C8orf34: variants seen among roughly 807,000 people sequenced by gnomAD.
C8orf34 encodes uncharacterized protein C8orf34.
Under a neutral mutation model 68.3 loss-of-function variants are expected in C8orf34, and 65 were observed. The ratio of observed to expected loss-of-function variants is 0.95; its 90% CI spans 0.78 to 1.17. The LOEUF is 1.17. Ranked by LOEUF, C8orf34 falls within the 50% of genes most tolerant of loss-of-function variation. C8orf34 has a pLI of 0.00. For missense variants in C8orf34, 664 were observed against 655.4 expected (o/e 1.01, Z -0.14); for synonymous variants, 244 against 241.2 (o/e 1.01, Z -0.11).
Position 68,331,223 on chromosome 8 carries a change from C to A in C8orf34, c.211C>A (p.Gln71Lys). 6.5e-7 allele frequency: 1 copy of A among 1,536,144 alleles called. No individual in the cohort carries two copies. The highest frequency in any genetic ancestry group is 8.7e-7 in the Non-Finnish European group (1 of 1,146,880). ...KRRVVPSGGA[Q>K]PRVLPALSSR... Reference sequence around the variant, plus strand: ...GAGGGTTGTCCCCAGCGGAGGCGCACAGCCGCGCGTTCTCCCTGCACTCTC... The same window carrying A: ...GAGGGTTGTCCCCAGCGGAGGCGCAAAGCCGCGCGTTCTCCCTGCACTCTC... Residue 71 changes from glutamine (Q) to lysine (K), a missense_variant, in exon 1 of 14, where the codon CAG becomes AAG. Transcript: ENST00000518698.
chr8:68,610,861 G>GTTTTTTTTTTTTT (rs60113883), intron 7 of C8orf34, among the ~76,000 whole-genome samples: 24 of 120,452 alleles, frequency 2.0e-4, no homozygotes, highest in African/African-American at 8.0e-4. Flanking sequence ...TGAATCTTTG[G>GTTTTTTTTTTTTT]TTTTTTTTTT....
At chr8:68,650,502 C>G (rs1163862517) in intron 8 of C8orf34, among the ~76,000 whole-genome samples, 1 of 120,060 alleles carries the variant, frequency 8.3e-6, no homozygotes, top group African/African-American at 3.3e-5. Flanking sequence ...TTTTTTGAGA[C>G]GGAGTCTCGC....
At chr8:68,647,064 G>C (rs1583424) in intron 8 of C8orf34, among the ~76,000 whole-genome samples, 1 of 152,090 alleles carries the variant, frequency 6.6e-6, no homozygotes, top group Non-Finnish European at 1.5e-5. Context: ...CTAATATCCA[G>C]AATATATAAG....
intron 7 of C8orf34, among the ~76,000 whole-genome samples, chr8:68,611,745 GA>G (rs1818030638): frequency 6.6e-6 from 1 of 152,056 alleles, no homozygotes; most frequent in Admixed American, 6.6e-5. Context: ...ACTGTTTATA[GA>G]GTTTAAATCT....
At chr8:68,618,012 T>C (rs2053211725) in intron 7 of C8orf34, among the ~76,000 whole-genome samples, 2 of 152,240 alleles carry the variant, frequency 1.3e-5, no homozygotes, top group Admixed American at 1.3e-4. Flanking sequence ...TTTATGCCTT[T>C]TTCTATTGTG....
intron 1 of C8orf34, among the ~76,000 whole-genome samples, chr8:68,347,281 A>C (rs1806323309): frequency 6.6e-6 from 1 of 152,180 alleles, no homozygotes; most frequent in African/African-American, 2.4e-5. Flanking sequence ...TGTTACTGCA[A>C]AAGACATGAT....
At chr8:68,502,640 C>G (rs542225738) in intron 5 of C8orf34, among the ~76,000 whole-genome samples, 20 of 152,040 alleles carry the variant, frequency 1.3e-4, no homozygotes, top group Non-Finnish European at 2.5e-4. Flanking sequence ...ATCTGCTTTT[C>G]CTATACAAAT....
chr8:68,816,134 T>TGTGTTTC (rs1563685769), intron 13 of C8orf34, among the ~76,000 whole-genome samples, 189 bp downstream of exon 13: 9 of 106,608 alleles, frequency 8.4e-5, no homozygotes, highest in African/African-American at 3.9e-4. Flanking sequence ...GTGTGTGTGT[T>TGTGTTTC]TCTCTGTGTG....
Position 68,818,321 on chromosome 8 carries a change from A to G in C8orf34, c.*75A>G. 7.0e-7 allele frequency: 1 copy of G among 1,435,262 alleles called. No homozygotes were observed. Among genetic ancestry groups the G allele is most frequent in the South Asian group, 1.2e-5 (1 of 85,134 alleles). The allele number at this position is 1,435,262 out of a possible 1,614,324, so 88.9% of individuals were successfully genotyped here. A position where few individuals can be genotyped will look rare whatever the true frequency, so the allele number is the denominator to read the frequency against. On this transcript the variant is annotated 3_prime_UTR_variant, in exon 14 of 14. Transcript: ENST00000518698. ...AATCCTTATGTATAGTTCTAATTTT[A>G]TTTACTATGTGTAATCATTTAGAGA...
intron 8 of C8orf34, among the ~76,000 whole-genome samples, chr8:68,708,116 T>C (rs1440825186): frequency 6.6e-6 from 1 of 152,198 alleles, no homozygotes; most frequent in Non-Finnish European, 1.5e-5. Flanking sequence ...GAGAATTCTT[T>C]AATTTTCTTA....
At chr8:68,357,200 C>A (rs1354278048) in intron 1 of C8orf34, among the ~76,000 whole-genome samples, 1 of 151,974 alleles carries the variant, frequency 6.6e-6, no homozygotes, top group African/African-American at 2.4e-5. Context: ...ATTAGGTATA[C>A]AATATTCTAT....
intron 10 of C8orf34, among the ~76,000 whole-genome samples, chr8:68,760,176 C>T (rs957841961): frequency 6.6e-6 from 1 of 152,168 alleles, no homozygotes; most frequent in Non-Finnish European, 1.5e-5. Flanking sequence ...CTGCGGAGGC[C>T]ACCCACAGGT....
intron 5 of C8orf34, among the ~76,000 whole-genome samples, chr8:68,512,112 C>A (rs144081209): frequency 3.1e-4 from 47 of 152,234 alleles, no homozygotes; most frequent in African/African-American, 1.1e-3. Flanking sequence ...TAAAACAAGA[C>A]AATAATTGTC....
intron 10 of C8orf34, among the ~76,000 whole-genome samples, chr8:68,772,841 TTCTC>T (rs60294954): frequency 4.7e-5 from 7 of 150,324 alleles, no homozygotes; most frequent in Non-Finnish European, 4.4e-5. Flanking sequence ...TTTTCTTTCT[TTCTC>T]TCTTTCTCTC....
In C8orf34 at chr8:68,330,967, G is replaced by A. The variant is rs1805546559; in HGVS notation, c.-46G>A. Reference sequence around the variant, plus strand: ...CTCGAATTTCCCCACTGCGCCGGGCGCTGCGGAGAGCGGCGAGGGTGGGCG... The same window carrying A: ...CTCGAATTTCCCCACTGCGCCGGGCACTGCGGAGAGCGGCGAGGGTGGGCG... On this transcript the variant is annotated 5_prime_UTR_variant, in exon 1 of 14. Coordinates refer to ENST00000518698, the MANE Select transcript of C8orf34 (RefSeq NM_052958.4). 7.5e-7 allele frequency: 1 copy of A among 1,324,556 alleles called. No individual in the cohort carries two copies. Among genetic ancestry groups the A allele is most frequent in the South Asian group, 1.7e-5 (1 of 57,828 alleles). The allele number at this position is 1,324,556 out of a possible 1,614,324, so 82.1% of individuals were successfully genotyped here.
At chr8:68,467,936 A>G (rs146876785) in intron 3 of C8orf34, among the ~76,000 whole-genome samples, 111 of 152,126 alleles carry the variant, frequency 7.3e-4, no homozygotes, top group African/African-American at 2.6e-3. Flanking sequence ...TAAAAAAAAT[A>G]TGCCTCGACC....
At chr8:68,733,759 T>C (rs1822049085) in intron 10 of C8orf34, among the ~76,000 whole-genome samples, 1 of 152,196 alleles carries the variant, frequency 6.6e-6, no homozygotes, top group Non-Finnish European at 1.5e-5. Context: ...CACAAGAATC[T>C]TATAAATTAG....
chr8:68,749,407 G>T (rs1403505197), intron 10 of C8orf34, among the ~76,000 whole-genome samples: 1 of 151,586 alleles, frequency 6.6e-6, no homozygotes, highest in East Asian at 1.9e-4. Context: ...AAGACAGAAA[G>T]AAACACAGAA....
At chr8:68,464,615 G>A (rs1451771643) in intron 3 of C8orf34, among the ~76,000 whole-genome samples, 6 of 152,048 alleles carry the variant, frequency 3.9e-5, no homozygotes, top group Admixed American at 3.3e-4. Context: ...TTGATCAATG[G>A]AACAGAACAG....
Sources: gnomAD v4.1 joint callset for allele counts (sites outside exome capture counted in the v4.1 genomes callset) on GRCh38, gnomAD v4.1.1 for gene constraint, MANE v1.5 for transcripts, NCBI Gene and HGNC (gene_info 2026-07-23, HGNC 2026-07-21) for gene names.